Variants in FMNL2 observed in about 807,000 individuals in gnomAD.
FMNL2 encodes formin-like protein 2.
FMNL2 carries 51 observed loss-of-function variants against 130.2 expected under a neutral mutation model. That is an observed-to-expected ratio of 0.39 (90% CI 0.31 to 0.49). The LOEUF (loss-of-function observed/expected upper bound fraction) is 0.49, where lower values mean the gene tolerates loss of function less well. FMNL2 is among the 20% of genes least tolerant of loss of function. The pLI is 0.85. For synonymous variants in FMNL2, 465 were observed against 467.1 expected, an observed-to-expected ratio of 1.00 and a Z score of 0.06; for missense variants, 977 against 1,316.2, an observed-to-expected ratio of 0.74 and a Z score of 3.99.
At chr2:152,506,179 G>A (rs1277938715) in intron 1 of FMNL2, among the ~76,000 whole-genome samples, 1 of 152,114 alleles carries the variant, frequency 6.6e-6, no homozygotes, top group Admixed American at 6.6e-5. Context: ...AAAAATTTGT[G>A]CATTTATTTC....
intron 12 of FMNL2, among the ~76,000 whole-genome samples, chr2:152,615,958 T>G (rs1698922662): frequency 6.6e-6 from 1 of 152,128 alleles, no homozygotes; most frequent in Non-Finnish European, 1.5e-5. Flanking sequence ...AACCCTCCCT[T>G]TAAAAGTGCC....
chr2:152,496,143 CCTG>C (rs1691509509), intron 1 of FMNL2, among the ~76,000 whole-genome samples: 2 of 152,070 alleles, frequency 1.3e-5, no homozygotes, highest in Admixed American at 1.3e-4. Flanking sequence ...TAATCATTGT[CCTG>C]CTGATGCCCT....
At chr2:152,506,961 A>G (rs1170260272) in intron 1 of FMNL2, among the ~76,000 whole-genome samples, 1 of 152,162 alleles carries the variant, frequency 6.6e-6, no homozygotes, top group East Asian at 1.9e-4. Flanking sequence ...TTTCCTGTTC[A>G]GTTTTCATTT....
At chr2:152,552,660 C>T (rs1356802044) in intron 4 of FMNL2, among the ~76,000 whole-genome samples, 3 of 152,164 alleles carry the variant, frequency 2.0e-5, no homozygotes, top group Non-Finnish European at 4.4e-5. Context: ...CATTCACTTA[C>T]TCTTAGGAAC....
intron 1 of FMNL2, among the ~76,000 whole-genome samples, chr2:152,440,686 T>C (rs755803276): frequency 1.6e-4 from 24 of 152,192 alleles, no homozygotes; most frequent in Non-Finnish European, 3.4e-4. Context: ...GGTAGAGGCA[T>C]GTAGAGAACA....
At chr2:152,390,109 GA>G in intron 1 of FMNL2, 8 of 1,393,086 alleles carry the variant, frequency 5.7e-6, no homozygotes, top group Non-Finnish European at 8.2e-6. Context: ...GAGGACAAAG[GA>G]AAACTGAAGC....
chr2:152,350,324 A>G (rs1682406143), intron 1 of FMNL2, among the ~76,000 whole-genome samples: 1 of 152,208 alleles, frequency 6.6e-6, no homozygotes, highest in Non-Finnish European at 1.5e-5. Context: ...GACCTTGCCC[A>G]TGGGACAGCC....
chr2:152,611,271 G>T (rs555811950), intron 10 of FMNL2, among the ~76,000 whole-genome samples: 1 of 152,070 alleles, frequency 6.6e-6, no homozygotes, highest in African/African-American at 2.4e-5. Context: ...CCCAGGAGGC[G>T]GAGGTTGCAG....
intron 1 of FMNL2, among the ~76,000 whole-genome samples, chr2:152,439,534 T>C (rs1687949422): frequency 6.6e-6 from 1 of 152,164 alleles, no homozygotes; most frequent in Admixed American, 6.6e-5. Context: ...AAGTGACCTT[T>C]GTAAGTCACC....
intron 1 of FMNL2, among the ~76,000 whole-genome samples, chr2:152,341,847 A>G (rs1382581165): frequency 6.6e-6 from 1 of 152,220 alleles, no homozygotes; most frequent in Non-Finnish European, 1.5e-5. Context: ...TCTAACATGT[A>G]GAGTTGTTGA....
intron 1 of FMNL2, among the ~76,000 whole-genome samples, chr2:152,434,059 GGTAGGGCAAAACTGAGTA>G (rs1353774295): frequency 6.6e-6 from 1 of 152,266 alleles, no homozygotes; most frequent in East Asian, 1.9e-4. Flanking sequence ...AAGTTGGCTG[GGTAGGGCAAAACTGAGTA>G]GTAGAAAATT....
intron 1 of FMNL2, among the ~76,000 whole-genome samples, chr2:152,495,123 T>C (rs1691431939): frequency 6.6e-6 from 1 of 152,188 alleles, no homozygotes; most frequent in Non-Finnish European, 1.5e-5. Flanking sequence ...TTATTCTATA[T>C]ATTACAAAGC....
intron 6 of FMNL2, among the ~76,000 whole-genome samples, chr2:152,561,332 G>A (rs1290283348): frequency 6.6e-6 from 1 of 152,050 alleles, no homozygotes; most frequent in Admixed American, 6.5e-5. Context: ...TTTGAAACCA[G>A]GGGAATGTTG....
intron 12 of FMNL2, among the ~76,000 whole-genome samples, chr2:152,616,693 AACCAAGTTTACTGTGTT>A (rs1414983197): frequency 1.3e-5 from 2 of 152,166 alleles, no homozygotes; most frequent in Non-Finnish European, 2.9e-5. Context: ...AGATTGAAAG[AACCAAGTTTACTGTGTT>A]ACCAATTTTC....
At chr2:152,352,464 G>A (rs960590097) in intron 1 of FMNL2, among the ~76,000 whole-genome samples, 19 of 152,134 alleles carry the variant, frequency 1.2e-4, no homozygotes, top group Admixed American at 1.0e-3. Context: ...ATTCTGTTTT[G>A]ACTCCCAATG....
At chr2:152,644,748 T>C (rs989154176) in intron 25 of FMNL2, among the ~76,000 whole-genome samples, 2 of 152,222 alleles carry the variant, frequency 1.3e-5, no homozygotes, top group Non-Finnish European at 2.9e-5. Context: ...AGATCATATC[T>C]TGACCTGCTT....
At chr2:152,634,375 G>A (rs1682404695) in intron 21 of FMNL2, among the ~76,000 whole-genome samples, 1 of 152,234 alleles carries the variant, frequency 6.6e-6, no homozygotes, top group Non-Finnish European at 1.5e-5. Flanking sequence ...AGAGGTTGCA[G>A]TGAGCTGAGA....
At chr2:152,444,007 C>T (rs949330155) in intron 1 of FMNL2, among the ~76,000 whole-genome samples, 8 of 152,168 alleles carry the variant, frequency 5.3e-5, no homozygotes, top group South Asian at 2.1e-4. Context: ...CCAGGCTCTA[C>T]GCTAGACACT....
intron 21 of FMNL2, among the ~76,000 whole-genome samples, chr2:152,632,658 ATT>A: frequency 6.6e-6 from 1 of 152,146 alleles, no homozygotes; most frequent in Non-Finnish European, 1.5e-5. Context: ...TAGTATCTCC[ATT>A]ATTATAGGTG....
Sources: allele counts gnomAD v4.1 joint callset (sites outside exome capture counted in the v4.1 genomes callset), GRCh38; gene constraint gnomAD v4.1.1; transcripts MANE v1.5; gene names NCBI Gene and HGNC (gene_info 2026-07-23, HGNC 2026-07-21).